PDZK1: variants seen among roughly 807,000 people sequenced by gnomAD.
PDZK1 encodes the protein Na(+)/H(+) exchange regulatory cofactor NHE-RF3.
In PDZK1, 23 loss-of-function variants were observed where a neutral mutation model predicts 38.1. That is an observed-to-expected ratio of 0.60 (90% CI 0.43 to 0.85). The LOEUF is 0.85. Among genes scored for constraint, PDZK1 ranks in the 40% least tolerant of loss-of-function variants. The probability of loss-of-function intolerance (pLI) is 0.00; values close to 1 mark genes in which losing one functional copy is unlikely to be tolerated. For missense variants in PDZK1, 297 were observed against 504.3 expected (o/e 0.59, Z 3.94); for synonymous variants, 98 against 186.2 (o/e 0.53, Z 3.86).
Position 145,696,609 on chromosome 1 carries a change from T to C in PDZK1, c.-2-8586A>G, listed in dbSNP as rs1432195199. Among the ~76,000 whole-genome samples the C allele has an allele frequency of 2.0e-5, 3 of 152,290 alleles. No individual in the cohort carries two copies. The Middle Eastern group carries it at 0.01, about 518-fold the overall frequency. On this transcript the variant is annotated intron_variant, in intron 1 of 8. Transcript: ENST00000417171. ...AGAGGGGCCTCCGAGGACCCAAACC[T>C]GTTGACACCTTGGACTTCCAGCCTC...
At chr1:145,704,671 G>C (rs1656155341) in intron 1 of PDZK1, among the ~76,000 whole-genome samples, 1 of 152,196 alleles carries the variant, frequency 6.6e-6, no homozygotes, top group Non-Finnish European at 1.5e-5. Flanking sequence ...CAGGCAAAGA[G>C]ATTAAGGAAA....
At chr1:145,674,563 C>G (rs1484628106) in intron 6 of PDZK1, among the ~76,000 whole-genome samples, 2 of 152,156 alleles carry the variant, frequency 1.3e-5, no homozygotes, top group African/African-American at 4.8e-5. Flanking sequence ...GCTTGGACAT[C>G]AGAATTCCTG....
At chr1:145,682,009 AACACACACACACAC>A (rs71077284) in intron 4 of PDZK1, among the ~76,000 whole-genome samples, 1 of 108,262 alleles carries the variant, frequency 9.2e-6, no homozygotes, top group South Asian at 3.2e-4. Flanking sequence ...ATCTCTACAA[AACACACACACACAC>A]ACACACACAC....
At chr1:145,699,707 A>G (rs1455432493) in intron 1 of PDZK1, among the ~76,000 whole-genome samples, 1 of 152,196 alleles carries the variant, frequency 6.6e-6, no homozygotes, top group Admixed American at 6.5e-5. Context: ...AAGGAGCCAG[A>G]TGTGTATACA....
intron 5 of PDZK1, among the ~76,000 whole-genome samples, chr1:145,680,431 G>A (rs1163124550): frequency 2.0e-5 from 3 of 151,854 alleles, no homozygotes; most frequent in Non-Finnish European, 4.4e-5. Flanking sequence ...CAAGGAAGGA[G>A]GACTCCTGGT....
intron 1 of PDZK1, among the ~76,000 whole-genome samples, chr1:145,700,136 T>C (rs1553704769): frequency 6.6e-6 from 1 of 152,194 alleles, no homozygotes; most frequent in Non-Finnish European, 1.5e-5. Context: ...ACCTCAATGA[T>C]CAGGCAAGGG....
intron 1 of PDZK1, among the ~76,000 whole-genome samples, chr1:145,702,312 T>C (rs1186398443): frequency 5.9e-5 from 9 of 151,934 alleles, no homozygotes; most frequent in African/African-American, 2.2e-4. Context: ...TATCTAAGAG[T>C]TCTATGAGTT....
At chr1:145,703,555 GTCTGGAT>G (rs1440786860) in intron 1 of PDZK1, among the ~76,000 whole-genome samples, 1 of 152,042 alleles carries the variant, frequency 6.6e-6, no homozygotes, top group Non-Finnish European at 1.5e-5. Context: ...ACCCAGTTGA[GTCTGGAT>G]TCCTTCCACC....
intron 1 of PDZK1, among the ~76,000 whole-genome samples, chr1:145,689,268 A>G (rs1655049461): frequency 6.6e-6 from 1 of 152,160 alleles, no homozygotes. Context: ...TTTTAGAGAC[A>G]GTGTCTTGCT....
rs376527256 is a variant in PDZK1 at position 145,681,534 on chromosome 1, C to T, written c.598-427G>A. Among the ~76,000 whole-genome samples the T allele has an allele frequency of 4.0e-4, 60 of 148,534 alleles. 2 individuals are homozygous for T. The East Asian group carries it at 4.8e-3, about 12-fold the overall frequency. ...CGATCTCCTGACCTCGTGATCCACC[C>T]GCCTCGGCCTCCCAAAGTGCTGGGA... On this transcript the variant is annotated intron_variant, in intron 4 of 8. Transcript: ENST00000417171.
chr1:145,695,641 G>A (rs1396177078), intron 1 of PDZK1, among the ~76,000 whole-genome samples: 1 of 152,134 alleles, frequency 6.6e-6, no homozygotes, highest in East Asian at 1.9e-4. Context: ...ACCACTCAAG[G>A]CTTTTAAGCA....
At chr1:145,691,522 A>C (rs957524028) in intron 1 of PDZK1, among the ~76,000 whole-genome samples, 1 of 152,184 alleles carries the variant, frequency 6.6e-6, no homozygotes, top group Non-Finnish European at 1.5e-5. Context: ...GCCTCCTGAA[A>C]AAATCTAGAG....
chr1:145,682,774 T>G, intron 3 of PDZK1, 138 bp from the exon 4 acceptor site: 1 of 1,159,090 alleles, frequency 8.6e-7, no homozygotes, highest in Non-Finnish European at 1.2e-6. Context: ...GTCCCTAGTC[T>G]AAGAACATGT....
At chr1:145,696,991 G>A in intron 1 of PDZK1, among the ~76,000 whole-genome samples, 1 of 152,270 alleles carries the variant, frequency 6.6e-6, no homozygotes, top group Non-Finnish European at 1.5e-5. Context: ...GGGAGCCAAG[G>A]ATAAAGCCTT....
intron 4 of PDZK1, among the ~76,000 whole-genome samples, chr1:145,681,580 G>A (rs1553700387): frequency 7.0e-6 from 1 of 143,472 alleles, no homozygotes; most frequent in Non-Finnish European, 1.5e-5. Context: ...GAGCCACCGC[G>A]CCCGGCCCCT....
At position 145,686,547 on chromosome 1, in the gene PDZK1, C is replaced by G. The variant is rs1397837076; in HGVS notation, c.390G>C (p.Trp130Cys). 2 of 1,611,832 alleles carry G rather than the reference C, an allele frequency of 1.2e-6. No homozygotes were observed. The highest frequency in any genetic ancestry group is 1.7e-5 in the Admixed American group (1 of 59,998). ...SPVMNGGVQTWTQPRLCYLVK... is the reference protein window; with the variant it reads ...SPVMNGGVQTCTQPRLCYLVK... Reference sequence around the variant, plus strand: ...CGAGATAGCAGAGCCGGGGCTGGGTCCAAGTTTGCACACCTCCATTCATCA... The same window carrying G: ...CGAGATAGCAGAGCCGGGGCTGGGTGCAAGTTTGCACACCTCCATTCATCA... The change falls in exon 3 of 9, where the codon TGG becomes TGC. Residue 130 changes from tryptophan to cysteine, a missense_variant. By Grantham distance (215) the Trp-to-Cys change is radical. Transcript: ENST00000417171.
chr1:145,679,967 G>A (rs1654074660), intron 5 of PDZK1, among the ~76,000 whole-genome samples: 1 of 152,068 alleles, frequency 6.6e-6, no homozygotes, highest in Admixed American at 6.5e-5. Context: ...CCACCTTCCT[G>A]GAATGATCTT....
intron 3 of PDZK1, among the ~76,000 whole-genome samples, chr1:145,685,761 C>T (rs1475858844): frequency 1.3e-5 from 2 of 152,174 alleles, no homozygotes; most frequent in African/African-American, 4.8e-5. Flanking sequence ...CCAACCAATA[C>T]CCCAGAGCCA....
intron 1 of PDZK1, chr1:145,691,851 C>T (rs587743756): frequency 2.0e-5 from 3 of 152,118 alleles, no homozygotes; most frequent in African/African-American, 7.2e-5. Context: ...AAGCTATAAC[C>T]ATTCCTGAGC....
Sources: gnomAD v4.1 joint callset for allele counts (sites outside exome capture counted in the v4.1 genomes callset) on GRCh38, gnomAD v4.1.1 for gene constraint, MANE v1.5 for transcripts, NCBI Gene and HGNC (gene_info 2026-07-23, HGNC 2026-07-21) for gene names.